CRTC1: variants seen among roughly 807,000 people sequenced by gnomAD.
CRTC1 encodes the protein CREB regulated transcription coactivator 1.
In CRTC1, 18 loss-of-function variants were observed where a neutral mutation model predicts 66.1. That is an observed-to-expected ratio of 0.27 (90% CI 0.19 to 0.40). CRTC1 has a LOEUF of 0.40. Ranked by LOEUF, CRTC1 falls within the 10% of genes least tolerant of loss-of-function variation. The probability of loss-of-function intolerance (pLI) is 1.00; values close to 1 mark genes in which losing one functional copy is unlikely to be tolerated. For missense variants in CRTC1, 669 were observed against 887.9 expected, an observed-to-expected ratio of 0.75 and a Z score of 3.13; for synonymous variants, 416 against 398.8, an observed-to-expected ratio of 1.04 and a Z score of -0.51.
rs560414669 is a variant in CRTC1 at position 18,731,112 on chromosome 19, G to GACT, written c.127-11795_127-11793dup. 5.2e-3 allele frequency among the ~76,000 whole-genome samples: 786 copies of GACT among 152,334 alleles called. 6 individuals are homozygous for GACT. Among genetic ancestry groups the GACT allele is most frequent in the African/African-American group, 0.016 (669 of 41,574 alleles). Reference sequence around the variant, plus strand: ...CTGCCTCTGCCTCCCGTGTTGCTGGGACTACAGGTGTGTGCCAATGTGCTC... The same window carrying GACT: ...CTGCCTCTGCCTCCCGTGTTGCTGGGACTACTACAGGTGTGTGCCAATGTGCTC... On this transcript the variant is annotated intron_variant, in intron 1 of 13. Transcript: ENST00000321949.
chr19:18,698,536 A>G (rs2053052885), intron 1 of CRTC1, among the ~76,000 whole-genome samples: 1 of 147,454 alleles, frequency 6.8e-6, no homozygotes, highest in South Asian at 2.2e-4. Flanking sequence ...CACAGTGTGT[A>G]CTCAGCAGGC....
intron 1 of CRTC1, among the ~76,000 whole-genome samples, chr19:18,711,720 G>C (rs1201541204): frequency 6.6e-6 from 1 of 152,060 alleles, no homozygotes; most frequent in Non-Finnish European, 1.5e-5. Flanking sequence ...TGCGTTGGGA[G>C]GGGGTGTGTG....
chr19:18,754,109 A>G (rs948312194), intron 6 of CRTC1, among the ~76,000 whole-genome samples: 2 of 152,112 alleles, frequency 1.3e-5, no homozygotes, highest in African/African-American at 2.4e-5. Flanking sequence ...TCAAAAAAAA[A>G]AAAAAAAAAG....
chr19:18,723,915 G>A (rs773792209), intron 1 of CRTC1, among the ~76,000 whole-genome samples: 2 of 152,320 alleles, frequency 1.3e-5, no homozygotes, highest in African/African-American at 4.8e-5. Context: ...GTCCCCGTGC[G>A]CTTGGAGCCT....
chr19:18,780,246 A>G lies in CRTC1; in HGVS notation c.*2864A>G, dbSNP rs2055077622. ...GCTCTCCCCACGCACCCATGTGCTC[A>G]TGGCTTCTGCAGACCCTCTGCTGGG... On this transcript the variant is annotated 3_prime_UTR_variant, in exon 14 of 14. Transcript: ENST00000321949. The G allele has an allele frequency of 4.3e-6, 1 of 231,508 alleles. No homozygotes were observed. The highest frequency in any genetic ancestry group is 2.2e-5 in the African/African-American group (1 of 45,230). 14.3% of individuals were successfully genotyped at this position (231,508 alleles called of 1,614,324 possible). A position where few individuals can be genotyped will look rare whatever the true frequency, so the allele number is the denominator to read the frequency against.
intron 1 of CRTC1, among the ~76,000 whole-genome samples, chr19:18,697,741 C>A (rs1250020148): frequency 6.6e-6 from 1 of 152,232 alleles, no homozygotes; most frequent in Non-Finnish European, 1.5e-5. Context: ...GGCATAGATA[C>A]TCACTGTGTG....
intron 5 of CRTC1, among the ~76,000 whole-genome samples, chr19:18,752,547 G>A (rs115167686): frequency 0.023 from 3,457 of 152,210 alleles, 141 homozygotes; most frequent in African/African-American, 0.078. Flanking sequence ...TCAAACTCCT[G>A]AGCTCAAGTA....
chr19:18,693,253 G>C (rs1480071023), intron 1 of CRTC1, among the ~76,000 whole-genome samples: 1 of 151,486 alleles, frequency 6.6e-6, no homozygotes, highest in African/African-American at 2.4e-5. Context: ...GCCAGGTGTG[G>C]TGGTGTGCAC....
At chr19:18,736,931 A>C (rs1231056026) in intron 1 of CRTC1, among the ~76,000 whole-genome samples, 1 of 152,190 alleles carries the variant, frequency 6.6e-6, no homozygotes, top group African/African-American at 2.4e-5. Flanking sequence ...AAGGGCTGGC[A>C]GGTGGAGGTG....
chr19:18,747,667 G>C (rs1275915776), intron 4 of CRTC1, among the ~76,000 whole-genome samples: 1 of 152,138 alleles, frequency 6.6e-6, no homozygotes, highest in Admixed American at 6.5e-5. Context: ...CGCATATTCA[G>C]CACTGTAGCT....
rs7256742 is a variant in CRTC1, at chr19:18,753,797, C to G, written c.624+212C>G. Among the ~76,000 whole-genome samples the G allele has an allele frequency of 4.3e-3, 661 of 152,180 alleles. 8 individuals are homozygous for G. The highest frequency in any genetic ancestry group is 0.016 in the African/African-American group (645 of 41,550). On this transcript the variant is annotated intron_variant, in intron 6 of 13. Coordinates refer to ENST00000321949, the MANE Select transcript of CRTC1 (RefSeq NM_015321.3). Reference sequence around the variant, plus strand: ...GCAGGCCTTATCCAACAGGCCGGAACTGCACAAAAATTACAACCCAGGCTG... The same window carrying G: ...GCAGGCCTTATCCAACAGGCCGGAAGTGCACAAAAATTACAACCCAGGCTG...
intron 11 of CRTC1, among the ~76,000 whole-genome samples, chr19:18,774,555 A>G (rs1404356644): frequency 3.9e-5 from 6 of 152,220 alleles, no homozygotes; most frequent in Non-Finnish European, 7.3e-5. Context: ...CCCTGGTGAC[A>G]GGTTCTCCTC....
At chr19:18,734,554 CA>C (rs1400080090) in intron 1 of CRTC1, among the ~76,000 whole-genome samples, 3 of 150,810 alleles carry the variant, frequency 2.0e-5, no homozygotes, top group Admixed American at 2.0e-4. Flanking sequence ...CATGGTGGTG[CA>C]CACCACTACT....
At chr19:18,742,413 T>G (rs1006406819) in intron 1 of CRTC1, among the ~76,000 whole-genome samples, 1 of 152,178 alleles carries the variant, frequency 6.6e-6, no homozygotes, top group Non-Finnish European at 1.5e-5. Flanking sequence ...TGGCTCTGTG[T>G]GGGCTGCCGT....
intron 5 of CRTC1, among the ~76,000 whole-genome samples, chr19:18,751,655 C>G (rs928784428): frequency 6.6e-6 from 1 of 152,196 alleles, no homozygotes; most frequent in African/African-American, 2.4e-5. Flanking sequence ...CTCAGACTCT[C>G]CCTCTCCTCT....
intron 9 of CRTC1, among the ~76,000 whole-genome samples, chr19:18,767,233 C>G (rs999714610): frequency 1.3e-5 from 2 of 151,760 alleles, no homozygotes; most frequent in African/African-American, 2.4e-5. Context: ...GAGTCTCACT[C>G]TGTCGCCCAG....
chr19:18,763,400 C>T (rs529049581), intron 8 of CRTC1, among the ~76,000 whole-genome samples: 7 of 152,254 alleles, frequency 4.6e-5, no homozygotes, highest in East Asian at 1.9e-4. Context: ...TGTGCCTGGC[C>T]GACGGTATTC....
At chr19:18,753,607 A>C in intron 6 of CRTC1, 22 bp downstream of exon 6, 1 of 1,578,384 alleles carries the variant, frequency 6.3e-7, no homozygotes, top group African/African-American at 1.4e-5. Context: ...TGAGCTTTCA[A>C]AAACTTTTTT....
At chr19:18,735,289 G>T (rs904283550) in intron 1 of CRTC1, among the ~76,000 whole-genome samples, 9 of 152,164 alleles carry the variant, frequency 5.9e-5, no homozygotes, top group African/African-American at 1.7e-4. Context: ...TCTCACACTG[G>T]CATCAGCCCC....
Sources: allele counts gnomAD v4.1 joint callset (sites outside exome capture counted in the v4.1 genomes callset), GRCh38; gene constraint gnomAD v4.1.1; transcripts MANE v1.5; gene names NCBI Gene and HGNC (gene_info 2026-07-23, HGNC 2026-07-21).